The following ZDBF2 variants were observed in gnomAD, a reference collection of about 807,000 sequenced individuals.
ZDBF2 encodes the protein DBF4-type zinc finger-containing protein 2.
ZDBF2 carries 6 observed loss-of-function variants against 9.4 expected under a neutral mutation model. That is an observed-to-expected ratio of 0.64 (90% CI 0.35 to 1.27). The LOEUF (loss-of-function observed/expected upper bound fraction) is 1.27, where lower values mean the gene tolerates loss of function less well. Ranked by LOEUF, ZDBF2 falls within the 50% of genes most tolerant of loss-of-function variation. The pLI, the probability that ZDBF2 is intolerant of heterozygous loss-of-function variation, is 0.03. For synonymous variants in ZDBF2, 905 were observed against 946.3 expected (o/e 0.96, Z 0.80); for missense variants, 2,697 against 2,766.8 (o/e 0.97, Z 0.57).
chr2:206,314,138 C>T lies in ZDBF2; in HGVS notation c.*2545C>T, dbSNP rs569785157. ...TGAGTATTTTAATCTTGTTCTTGTT[C>T]AGTATTTTGCGTAGATTTTTATTGT... On this transcript the variant is annotated 3_prime_UTR_variant, in exon 5 of 5. Coordinates refer to ENST00000374423, the MANE Select transcript of ZDBF2 (RefSeq NM_020923.3). 6.6e-6 allele frequency: 1 copy of T among 151,788 alleles called. No individual in the cohort carries two copies. Among genetic ancestry groups the T allele is most frequent in the Admixed American group, 6.6e-5 (1 of 15,250 alleles). 9.4% of individuals were successfully genotyped at this position (151,788 alleles called of 1,614,324 possible). A position where few individuals can be genotyped will look rare whatever the true frequency, so the allele number is the denominator to read the frequency against.
Position 206,290,378 on chromosome 2 carries a change from T to C in ZDBF2, c.61-6868T>C, listed in dbSNP as rs184509907. On this transcript the variant is annotated intron_variant, in intron 3 of 4. Transcript: ENST00000374423. ...GTGAATTTAAAGATCACTTTGTTAGTTTCTGCAGAAAAGCAGCTGGAATTC... is the reference window on the plus strand; with the variant it reads ...GTGAATTTAAAGATCACTTTGTTAGCTTCTGCAGAAAAGCAGCTGGAATTC... Among the ~76,000 whole-genome samples the C allele has an allele frequency of 1.3e-4, 20 of 152,360 alleles. No individual in the cohort carries two copies. The East Asian group carries it at 3.7e-3, about 28-fold the overall frequency.
chr2:206,280,953 A>G (rs1031691455), intron 2 of ZDBF2, among the ~76,000 whole-genome samples: 5 of 152,242 alleles, frequency 3.3e-5, no homozygotes, highest in African/African-American at 1.2e-4. Flanking sequence ...AATAAACTGC[A>G]TTAAATTTTT....
Position 206,309,879 on chromosome 2 carries a change from A to T in ZDBF2, c.5351A>T (p.Asn1784Ile). Residue 1784 changes from asparagine (N) to isoleucine (I), a missense_variant, in exon 5 of 5, where the codon AAC becomes ATC. Physicochemically the swap from Asn to Ile is moderately radical, Grantham distance 149. This residue lies in a region of ZDBF2 where 1,783 missense variants were observed against 1,776.5 expected (regional missense o/e 1.00). Coordinates refer to ENST00000374423, the MANE Select transcript of ZDBF2 (RefSeq NM_020923.3). ...GTATCTTCTGACTTGAAAGAAAAGA[A>T]CCATGATTCCCAGTCAAGCTCTGTT... ...KKVSSDLKEK[N>I]HDSQSSSVLK... is the part of the protein sequence containing the mutation. The T allele has an allele frequency of 1.9e-6, 3 of 1,613,940 alleles. No individual in the cohort carries two copies. The highest frequency in any genetic ancestry group is 2.5e-6 in the Non-Finnish European group (3 of 1,179,882).
chr2:206,305,428 TA>T lies in ZDBF2; in HGVS notation c.903del (p.Lys301AsnfsTer6). Reference sequence around the variant, plus strand: ...TGGGTACTAAGGGCTCCTTAAGAGTTAAATCTCCTTCCAAATTAGCAGTAAA... The same window carrying T: ...TGGGTACTAAGGGCTCCTTAAGAGTTAATCTCCTTCCAAATTAGCAGTAAA... ...RMGTKGSLRV[K>X]SPSKLAVNPN... is the part of the protein sequence containing the mutation. On this transcript the variant is annotated frameshift_variant, in exon 5 of 5. Coordinates refer to ENST00000374423, the MANE Select transcript of ZDBF2 (RefSeq NM_020923.3). LOFTEE classifies it low-confidence loss of function (END_TRUNC). The T allele has an allele frequency of 6.2e-7, 1 of 1,613,362 alleles. No homozygotes were observed. The highest frequency in any genetic ancestry group is 8.5e-7 in the Non-Finnish European group (1 of 1,179,730).
intron 1 of ZDBF2, among the ~76,000 whole-genome samples, chr2:206,277,760 A>G (rs1037589710): frequency 6.6e-6 from 1 of 150,420 alleles, no homozygotes; most frequent in Non-Finnish European, 1.5e-5. Context: ...CAGTCCCCAT[A>G]CTAAAAATAC....
Position 206,307,492 on chromosome 2 carries a change from C to T in ZDBF2, c.2964C>T (p.Phe988=). The T allele has an allele frequency of 6.2e-7, 1 of 1,613,218 alleles. No homozygotes were observed. The highest frequency in any genetic ancestry group is 8.5e-7 in the Non-Finnish European group (1 of 1,179,574). The change falls in exon 5 of 5, where the codon TTC becomes TTT. Residue 988 remains phenylalanine (F), a synonymous_variant. Transcript: ENST00000374423. ...TTCAAAGAGAAAAGCACGCTGAATT[C>T]CAAGGTAGAAGTACTGAATTCAGTG... ...TWLQREKHAE[F]QGRSTEFSGS... is the part of the protein sequence containing the mutation.
intron 4 of ZDBF2, among the ~76,000 whole-genome samples, chr2:206,297,660 A>T (rs919348100): frequency 7.9e-5 from 12 of 152,026 alleles, no homozygotes; most frequent in African/African-American, 2.7e-4. Flanking sequence ...CAGGGGGAAA[A>T]GGAGGAAGAG....
At position 206,311,957 on chromosome 2, in the gene ZDBF2, T is replaced by G. The variant is rs1693215381; in HGVS notation, c.*364T>G. On this transcript the variant is annotated 3_prime_UTR_variant, in exon 5 of 5. Coordinates refer to ENST00000374423, the MANE Select transcript of ZDBF2 (RefSeq NM_020923.3). ...CATTGTGAGAATGAATATAGCAAAC[T>G]TATTAAAAAGAAGGAATTATAATGA... 1 of 156,292 alleles carries G rather than the reference T, an allele frequency of 6.4e-6. No homozygotes were observed. Among genetic ancestry groups the G allele is most frequent in the East Asian group, 1.9e-4 (1 of 5,388 alleles). 9.7% of individuals were successfully genotyped at this position (156,292 alleles called of 1,614,324 possible). A position where few individuals can be genotyped will look rare whatever the true frequency, so the allele number is the denominator to read the frequency against.
chr2:206,280,978 A>T (rs1358128565), intron 2 of ZDBF2, among the ~76,000 whole-genome samples: 1 of 152,252 alleles, frequency 6.6e-6, no homozygotes, highest in Non-Finnish European at 1.5e-5. Flanking sequence ...TAAAATAATC[A>T]TAAATTATAT....
Position 206,304,809 on chromosome 2 carries a change from A to AG in ZDBF2, c.283dup (p.Asp95GlyfsTer2). The AG allele has an allele frequency of 6.2e-7, 1 of 1,613,716 alleles. No individual in the cohort carries two copies. The highest frequency in any genetic ancestry group is 8.5e-7 in the Non-Finnish European group (1 of 1,179,772). ...TTTTCTGAAGAAGAGGAAGAGGATGAGGATAAGGTTGAGGATGAGGATGCT... is the reference window on the plus strand; with the variant it reads ...TTTTCTGAAGAAGAGGAAGAGGATGAGGGATAAGGTTGAGGATGAGGATGCT... On this transcript the variant is annotated frameshift_variant, in exon 5 of 5. Coordinates refer to ENST00000374423, the MANE Select transcript of ZDBF2 (RefSeq NM_020923.3). LOFTEE classifies it low-confidence loss of function (END_TRUNC).
Position 206,307,164 on chromosome 2 carries a change from C to G in ZDBF2, c.2636C>G (p.Pro879Arg), listed in dbSNP as rs757239707. ...GAAATAAGTTCGGATTCCCATGCCCCTCTTCATTCAGTGACTAATTCTCCC... is the reference window on the plus strand; with the variant it reads ...GAAATAAGTTCGGATTCCCATGCCCGTCTTCATTCAGTGACTAATTCTCCC... Reference protein sequence around the residue: ...GSEISSDSHAPLHSVTNSPEV... With the variant: ...GSEISSDSHARLHSVTNSPEV... Residue 879 changes from proline to arginine, a missense_variant, in exon 5 of 5, where the codon CCT (proline) becomes CGT (arginine). Physicochemically the swap from Pro to Arg is moderately radical, Grantham distance 103 (BLOSUM62 -2). This residue lies in a region of ZDBF2 where 1,783 missense variants were observed against 1,776.5 expected (regional missense o/e 1.00). Transcript: ENST00000374423. 1 of 1,613,480 alleles carries G rather than the reference C, an allele frequency of 6.2e-7. No individual in the cohort carries two copies. The highest frequency in any genetic ancestry group is 1.7e-5 in the Admixed American group (1 of 59,978).
At chr2:206,303,865 A>T (rs954703138) in intron 4 of ZDBF2, among the ~76,000 whole-genome samples, 2 of 151,950 alleles carry the variant, frequency 1.3e-5, no homozygotes, top group African/African-American at 4.8e-5. Context: ...ATTGGTTTTT[A>T]TTTGTATATA....
chr2:206,305,422 A>G lies in ZDBF2; in HGVS notation c.894A>G (p.Leu298=). The G allele has an allele frequency of 6.2e-7, 1 of 1,613,506 alleles. No individual in the cohort carries two copies. Among genetic ancestry groups the G allele is most frequent in the Non-Finnish European group, 8.5e-7 (1 of 1,179,738 alleles). The change falls in exon 5 of 5, where the codon TTA becomes TTG. Residue 298 remains leucine, a synonymous_variant. Coordinates refer to ENST00000374423, the MANE Select transcript of ZDBF2 (RefSeq NM_020923.3). ...FHERMGTKGS[L]RVKSPSKLAV... ...AACGCATGGGTACTAAGGGCTCCTT[A>G]AGAGTTAAATCTCCTTCCAAATTAG...
In ZDBF2 at chr2:206,311,314, G is replaced by A. The variant is rs762226283; in HGVS notation, c.6786G>A (p.Ala2262=). The change falls in exon 5 of 5, where the codon GCG becomes GCA. Residue 2262 remains alanine, a synonymous_variant. Coordinates refer to ENST00000374423, the MANE Select transcript of ZDBF2 (RefSeq NM_020923.3). ...CTGTTGTCAGTAGGCTAAAGAAGGCGAAGAGAACAGCTAAAGTGCTTTTGA... is the reference window on the plus strand; with the variant it reads ...CTGTTGTCAGTAGGCTAAAGAAGGCAAAGAGAACAGCTAAAGTGCTTTTGA... ...KKSVVSRLKK[A]KRTAKVLLNS... 1.4e-5 allele frequency: 23 copies of A among 1,604,814 alleles called. No homozygotes were observed. The East Asian group carries it at 1.6e-4, about 11-fold the overall frequency.
At chr2:206,279,766 A>G (rs1259992013) in intron 2 of ZDBF2, among the ~76,000 whole-genome samples, 174 bp downstream of exon 2, 1 of 152,180 alleles carries the variant, frequency 6.6e-6, no homozygotes, top group Non-Finnish European at 1.5e-5. Flanking sequence ...TATTGAGTCA[A>G]CTTACAGCAG....
intron 1 of ZDBF2, among the ~76,000 whole-genome samples, chr2:206,278,495 G>A (rs1012753623): frequency 6.6e-6 from 1 of 152,110 alleles, no homozygotes; most frequent in Non-Finnish European, 1.5e-5. Flanking sequence ...CTTCCACAGT[G>A]CCTAAAGATA....
intron 3 of ZDBF2, among the ~76,000 whole-genome samples, chr2:206,291,371 G>A (rs1285757172): frequency 6.6e-6 from 1 of 152,168 alleles, no homozygotes; most frequent in Non-Finnish European, 1.5e-5. Context: ...TCTGACAGGA[G>A]GTGAAGCTCA....
chr2:206,299,777 G>A (rs544138779), intron 4 of ZDBF2, among the ~76,000 whole-genome samples: 4 of 151,706 alleles, frequency 2.6e-5, no homozygotes, highest in African/African-American at 9.7e-5. Context: ...TCCGGCCTGG[G>A]CAACATAGTG....
intron 4 of ZDBF2, among the ~76,000 whole-genome samples, chr2:206,303,128 GT>G (rs34375803): frequency 0.4 from 60,393 of 151,246 alleles, 12,506 homozygotes; most frequent in Admixed American, 0.46. Flanking sequence ...GATTTCCTTA[GT>G]TTTACTACTT....
Sources: gnomAD v4.1 joint callset for allele counts (sites outside exome capture counted in the v4.1 genomes callset) on GRCh38, gnomAD v4.1.1 for gene constraint, gnomAD v4.1.1 regional missense constraint, MANE v1.5 for transcripts, NCBI Gene and HGNC (gene_info 2026-07-23, HGNC 2026-07-21) for gene names.